The following METTL15 variants were observed in gnomAD, a reference collection of about 807,000 sequenced individuals.
The protein encoded by METTL15 is 12S rRNA N(4)-cytidine methyltransferase METTL15.
A neutral mutation model predicts 38.3 loss-of-function variants in METTL15; 34 were observed. That is an observed-to-expected ratio of 0.89 (90% CI 0.68 to 1.18). The LOEUF (loss-of-function observed/expected upper bound fraction) is 1.18. Ranked by LOEUF, METTL15 falls within the 50% of genes most tolerant of loss-of-function variation. METTL15 has a pLI of 0.00. For synonymous variants in METTL15, 162 were observed against 170.9 expected (o/e 0.95, Z 0.41); for missense variants, 438 against 498.4 (o/e 0.88, Z 1.15).
intron 3 of METTL15, among the ~76,000 whole-genome samples, chr11:28,188,732 C>T (rs185385159): frequency 7.3e-5 from 11 of 151,218 alleles, no homozygotes; most frequent in African/African-American, 2.7e-4. Context: ...CCTTTTGGAA[C>T]GTCTTTGGTA....
rs997205168 is a variant in METTL15 at position 28,115,374 on chromosome 11, T to G, written c.270+1770T>G. Among the ~76,000 whole-genome samples the G allele has an allele frequency of 2.0e-5, 3 of 152,020 alleles. No individual in the cohort carries two copies. The East Asian group carries it at 5.8e-4, about 29-fold the overall frequency. On this transcript the variant is annotated intron_variant, in intron 3 of 6. Coordinates refer to ENST00000407364, the MANE Select transcript of METTL15 (RefSeq NM_001113528.2). The stretch of plus-strand genomic sequence containing the variant: ...CCCGGGTTCAATTGATTCTCCTGCC[T>G]CAGCCTCCCGAGTAGCTGGGATTAC...
intron 5 of METTL15, among the ~76,000 whole-genome samples, chr11:28,391,338 C>A (rs1469835843): frequency 1.3e-5 from 2 of 151,964 alleles, no homozygotes; most frequent in East Asian, 3.9e-4. Context: ...CCAGTTTTTG[C>A]CCATTCAGTA....
intron 6 of METTL15, among the ~76,000 whole-genome samples, chr11:28,438,696 A>T: frequency 1.7e-5 from 2 of 117,982 alleles, no homozygotes; most frequent in South Asian, 2.6e-4. Flanking sequence ...TTTTTTGGAG[A>T]CAGAGTCTCG....
At chr11:28,348,159 T>A (rs1320802506) in intron 3 of METTL15, among the ~76,000 whole-genome samples, 1 of 152,238 alleles carries the variant, frequency 6.6e-6, no homozygotes, top group Non-Finnish European at 1.5e-5. Context: ...ATTAAAAAAA[T>A]GTTTTGAATG....
At chr11:28,348,683 TG>T (rs1850017043) in intron 3 of METTL15, among the ~76,000 whole-genome samples, 1 of 12,212 alleles carries the variant, frequency 8.2e-5, no homozygotes, top group Non-Finnish European at 2.0e-4. Flanking sequence ...TATCCATTTA[TG>T]TATGTATGTA....
intron 3 of METTL15, among the ~76,000 whole-genome samples, chr11:28,184,620 A>G (rs1432282083): frequency 6.6e-6 from 1 of 151,608 alleles, no homozygotes; most frequent in Admixed American, 6.6e-5. Context: ...TACTTAGTAC[A>G]GTACTTAGCT....
chr11:28,259,712 A>G (rs1428998277), intron 4 of METTL15, among the ~76,000 whole-genome samples: 1 of 152,146 alleles, frequency 6.6e-6, no homozygotes, highest in Non-Finnish European at 1.5e-5. Context: ...CACTCTCCAT[A>G]CCACGCCTCT....
rs1170095535 is a variant in METTL15, at chr11:28,330,483, G to C, written c.866G>C (p.Arg289Pro). The C allele has an allele frequency of 6.4e-7, 1 of 1,551,128 alleles. No homozygotes were observed. The highest frequency in any genetic ancestry group is 1.4e-5 in the African/African-American group (1 of 72,960). The change falls in exon 7 of 7, where the codon CGC (arginine) becomes CCC (proline). Residue 289 changes from arginine (R) to proline (P), a missense_variant. Coordinates refer to ENST00000407364, the MANE Select transcript of METTL15 (RefSeq NM_001113528.2). ...HIATKTFQAL[R>P]IFVNNELNEL... The stretch of plus-strand genomic sequence containing the variant: ...GCCACCAAGACTTTCCAGGCTCTTC[G>C]CATATTTGTGAACAATGAGCTCAAT...
chr11:28,513,333 T>G (rs1210202802), intron 6 of METTL15, among the ~76,000 whole-genome samples: 1 of 152,182 alleles, frequency 6.6e-6, no homozygotes, highest in Non-Finnish European at 1.5e-5. Flanking sequence ...TGCTTATGCC[T>G]TTGCTGTACC....
intron 3 of METTL15, among the ~76,000 whole-genome samples, chr11:28,347,051 A>G (rs1850002464): frequency 6.6e-6 from 1 of 152,248 alleles, no homozygotes; most frequent in South Asian, 2.1e-4. Flanking sequence ...AAGAACAAAG[A>G]TGAAATACCA....
chr11:28,276,278 A>C (rs1021303072), intron 4 of METTL15, among the ~76,000 whole-genome samples: 1 of 152,198 alleles, frequency 6.6e-6, no homozygotes, highest in Non-Finnish European at 1.5e-5. Flanking sequence ...TACAAAAGTC[A>C]GTAACACTTT....
Position 28,390,711 on chromosome 11 carries a change from G to A in METTL15, c.*358+28675G>A, listed in dbSNP as rs572975243. Among the ~76,000 whole-genome samples the A allele has an allele frequency of 1.6e-3, 247 of 152,296 alleles. 1 individual carries two copies. Among genetic ancestry groups the A allele is most frequent in the Non-Finnish European group, 2.2e-3 (148 of 68,030 alleles). ...GGCTTAGGATTGACTTGGCAATGCGGACTCTTTTTTGGTTCCATATGCACT... is the reference window on the plus strand; with the variant it reads ...GGCTTAGGATTGACTTGGCAATGCGAACTCTTTTTTGGTTCCATATGCACT... On this transcript the variant is annotated intron_variant and NMD_transcript_variant, in intron 5 of 7. Transcript: ENST00000532947.
At chr11:28,302,445 G>A (rs1856944630) in intron 6 of METTL15, among the ~76,000 whole-genome samples, 1 of 152,054 alleles carries the variant, frequency 6.6e-6, no homozygotes, top group African/African-American at 2.4e-5. Flanking sequence ...GTTGTGGGAG[G>A]GACCCACTGG....
At chr11:28,193,687 T>C (rs1216245727) in intron 3 of METTL15, among the ~76,000 whole-genome samples, 2 of 152,206 alleles carry the variant, frequency 1.3e-5, no homozygotes, top group African/African-American at 4.8e-5. Flanking sequence ...TTTATCTGTG[T>C]GTACCGAAAA....
intron 3 of METTL15, among the ~76,000 whole-genome samples, chr11:28,119,587 G>T (rs1001651680): frequency 6.6e-6 from 1 of 151,998 alleles, no homozygotes; most frequent in South Asian, 2.1e-4. Context: ...TGCTAGGTTC[G>T]GTTATAAATA....
At chr11:28,463,831 C>G (rs1414599879) in intron 6 of METTL15, among the ~76,000 whole-genome samples, 1 of 151,998 alleles carries the variant, frequency 6.6e-6, no homozygotes, top group Non-Finnish European at 1.5e-5. Flanking sequence ...ACCTGATTCT[C>G]AACATGTTCA....
chr11:28,220,616 G>A (rs1403565984), intron 4 of METTL15, among the ~76,000 whole-genome samples: 1 of 152,100 alleles, frequency 6.6e-6, no homozygotes, highest in Admixed American at 6.6e-5. Flanking sequence ...GATGTTAGTT[G>A]GTTATTTGGC....
intron 6 of METTL15, among the ~76,000 whole-genome samples, chr11:28,308,933 T>TAGATAGATAGATAGATAGATAGGC (rs973297215): frequency 6.6e-6 from 1 of 151,624 alleles, no homozygotes; most frequent in African/African-American, 2.4e-5. Flanking sequence ...GATAGATAGA[T>TAGATAGATAGATAGATAGATAGGC]AGGCAGGCAG....
intron 3 of METTL15, among the ~76,000 whole-genome samples, chr11:28,144,250 T>C (rs891129593): frequency 2.0e-5 from 3 of 152,162 alleles, no homozygotes; most frequent in Non-Finnish European, 4.4e-5. Context: ...TATATAGATC[T>C]GTTCTTTAGA....
Sources: allele counts gnomAD v4.1 joint callset (sites outside exome capture counted in the v4.1 genomes callset), GRCh38; gene constraint gnomAD v4.1.1; transcripts MANE v1.5; gene names NCBI Gene and HGNC (gene_info 2026-07-23, HGNC 2026-07-21).